The following ACSL3 variants were observed in gnomAD, a reference collection of about 807,000 sequenced individuals.
The protein encoded by ACSL3 is acyl-CoA synthetase long chain family member 3.
Under a neutral mutation model 84.7 loss-of-function variants are expected in ACSL3, and 34 were observed. The ratio of observed to expected loss-of-function variants is 0.40; its 90% CI spans 0.31 to 0.53. ACSL3 has a LOEUF of 0.53. ACSL3 is among the 20% of genes least tolerant of loss of function. ACSL3 has a pLI of 0.48. For synonymous variants in ACSL3, 315 were observed against 299.4 expected (o/e 1.05, Z -0.54); for missense variants, 680 against 873.1 (o/e 0.78, Z 2.79).
Position 222,943,971 on chromosome 2 carries a change from C to CT in ACSL3, c.*2318dup, listed in dbSNP as rs1348261539. 6.6e-6 allele frequency: 1 copy of CT among 152,050 alleles called. No homozygotes were observed. The highest frequency in any genetic ancestry group is 2.4e-5 in the African/African-American group (1 of 41,430). 9.4% of individuals were successfully genotyped at this position (152,050 alleles called of 1,614,324 possible). On this transcript the variant is annotated 3_prime_UTR_variant, in exon 17 of 17. Coordinates refer to ENST00000357430, the MANE Select transcript of ACSL3 (RefSeq NM_004457.5). ...AGAACTATTGTTTACTGGGAATAAA[C>CT]TAAGCTCTATGAAGAATTCGTAAGC...
In ACSL3 at chr2:222,911,038, G is replaced by C. The variant is rs1423437698; in HGVS notation, c.378+1888G>C. 5.4e-5 allele frequency among the ~76,000 whole-genome samples: 8 copies of C among 147,332 alleles called. No homozygotes were observed. In the East Asian group the frequency reaches 1.7e-3, roughly 31 times the overall value. On this transcript the variant is annotated intron_variant, in intron 4 of 16. Coordinates refer to ENST00000357430, the MANE Select transcript of ACSL3 (RefSeq NM_004457.5). ...TGCTTTTGTCATATTTACATATCTGGCACTGCCTTTTTTTTTTTTTTTTTT... is the reference window on the plus strand; with the variant it reads ...TGCTTTTGTCATATTTACATATCTGCCACTGCCTTTTTTTTTTTTTTTTTT...
chr2:222,900,917 A>G (rs1158117188), intron 3 of ACSL3, 137 bp downstream of exon 3: 1 of 152,182 alleles, frequency 6.6e-6, no homozygotes, highest in Non-Finnish European at 1.5e-5. Flanking sequence ...TTCTTTTCAA[A>G]GGGCACAACA....
intron 5 of ACSL3, chr2:222,917,721 C>T (rs1055758238): frequency 5.9e-6 from 1 of 170,932 alleles, no homozygotes; most frequent in Non-Finnish European, 1.2e-5. Flanking sequence ...AAGTGGCCAA[C>T]AATTAAGAAT....
intron 4 of ACSL3, among the ~76,000 whole-genome samples, chr2:222,916,049 A>G (rs190962475): frequency 1.3e-3 from 191 of 152,312 alleles, no homozygotes; most frequent in African/African-American, 4.2e-3. Context: ...TTACGAGCCT[A>G]TCAAACTCTC....
intron 1 of ACSL3, among the ~76,000 whole-genome samples, chr2:222,871,111 G>A (rs139298177): frequency 2.6e-5 from 4 of 152,254 alleles, no homozygotes; most frequent in African/African-American, 7.2e-5. Flanking sequence ...GGATGACAGA[G>A]GAAGCAGAAC....
chr2:222,924,324 A>T, intron 10 of ACSL3, 132 bp from the exon 11 acceptor site: 2 of 758,564 alleles, frequency 2.6e-6, no homozygotes, highest in Non-Finnish European at 3.8e-6. Flanking sequence ...CTTCTTGCTG[A>T]ATCACATCCA....
At position 222,900,773 on chromosome 2, in the gene ACSL3, C is replaced by T. The variant is rs2119160; in HGVS notation, c.-48C>T. The stretch of plus-strand genomic sequence containing the variant: ...TGTCACACCACCTTAGCCTCTTGAT[C>T]GAGGAAGGTAAAGAATTACTTTCAC... On this transcript the variant is annotated 5_prime_UTR_variant, in exon 3 of 17. Transcript: ENST00000357430. The T allele has an allele frequency of 0.32, 48,104 of 152,002 alleles. 7,902 individuals are homozygous for T. Among genetic ancestry groups the T allele is most frequent in the Admixed American group, 0.44 (6,670 of 15,264 alleles). 9.4% of individuals were successfully genotyped at this position (152,002 alleles called of 1,614,324 possible). A position where few individuals can be genotyped will look rare whatever the true frequency, so the allele number is the denominator to read the frequency against.
Position 222,934,558 on chromosome 2 carries a change from G to A in ACSL3, c.1876G>A (p.Val626Met). 1.3e-6 allele frequency: 2 copies of A among 1,581,734 alleles called. No individual in the cohort carries two copies. Among genetic ancestry groups the A allele is most frequent in the Non-Finnish European group, 1.7e-6 (2 of 1,163,754 alleles). The stretch of plus-strand genomic sequence containing the variant: ...TCATTCTTATGTCATTGGATTTGTT[G>A]TGCCAAATCAAAAGGAACTAACTGA... ...SYHSYVIGFV[V>M]PNQKELTELA... Residue 626 changes from valine to methionine, a missense_variant, in exon 16 of 17, where the codon GTG (valine) becomes ATG (methionine). Val to Met is a conservative substitution (Grantham distance 21). Around this residue, in one of 2 missense-constraint regions of ACSL3, gnomAD observed 347 missense variants for 525.7 expected, o/e 0.66. Coordinates refer to ENST00000357430, the MANE Select transcript of ACSL3 (RefSeq NM_004457.5).
chr2:222,883,658 A>G (rs1695648383), intron 1 of ACSL3, among the ~76,000 whole-genome samples: 1 of 151,528 alleles, frequency 6.6e-6, no homozygotes, highest in East Asian at 2.0e-4. Flanking sequence ...TGCTTTAGGA[A>G]TTTCTGCTTG....
chr2:222,873,961 A>C (rs935340999), intron 1 of ACSL3, among the ~76,000 whole-genome samples: 1 of 152,222 alleles, frequency 6.6e-6, no homozygotes, highest in African/African-American at 2.4e-5. Flanking sequence ...TTGTACTTAT[A>C]TATCTGTGCC....
At position 222,943,234 on chromosome 2, in the gene ACSL3, T is replaced by C. The variant is rs1311292536; in HGVS notation, c.*1580T>C. On this transcript the variant is annotated 3_prime_UTR_variant, in exon 17 of 17. Transcript: ENST00000357430. The stretch of plus-strand genomic sequence containing the variant: ...AGACATTGCAATACAGTGTTTTTTG[T>C]TTTCAACTTTTCTTGTATTGTATAT... 4 of 125,442 alleles carry C rather than the reference T, an allele frequency of 3.2e-5. No homozygotes were observed. The highest frequency in any genetic ancestry group is 5.4e-5 in the Non-Finnish European group (4 of 74,318). 7.8% of individuals were successfully genotyped at this position (125,442 alleles called of 1,614,324 possible).
At chr2:222,887,916 A>C (rs1695761258) in intron 2 of ACSL3, 28 bp downstream of exon 2, 1 of 152,242 alleles carries the variant, frequency 6.6e-6, no homozygotes. Flanking sequence ...TTATTACAAT[A>C]GATTTCTTTT....
At position 222,942,945 on chromosome 2, in the gene ACSL3, T is replaced by TA; in HGVS notation, c.*1292dup. The TA allele has an allele frequency of 4.4e-6, 1 of 225,206 alleles. No homozygotes were observed. Among genetic ancestry groups the TA allele is most frequent in the Non-Finnish European group, 8.8e-6 (1 of 113,112 alleles). 14.0% of individuals were successfully genotyped at this position (225,206 alleles called of 1,614,324 possible). ...TCATTTATTACTGCTTGTCTGTTGT[T>TA]ATATCTGGATTATCAAAAGCAATAG... On this transcript the variant is annotated 3_prime_UTR_variant, in exon 17 of 17. Transcript: ENST00000357430.
intron 3 of ACSL3, among the ~76,000 whole-genome samples, chr2:222,901,684 C>A (rs1376256008): frequency 6.6e-6 from 1 of 152,096 alleles, no homozygotes; most frequent in African/African-American, 2.4e-5. Context: ...TGGTGGCCCA[C>A]GCCTGTAATC....
At chr2:222,915,748 T>C (rs1366617923) in intron 4 of ACSL3, among the ~76,000 whole-genome samples, 1 of 152,242 alleles carries the variant, frequency 6.6e-6, no homozygotes, top group Non-Finnish European at 1.5e-5. Flanking sequence ...CACCTGGTTA[T>C]GTAAACAGAA....
At chr2:222,924,967 A>G (rs1559299755) in intron 11 of ACSL3, among the ~76,000 whole-genome samples, 1 of 151,452 alleles carries the variant, frequency 6.6e-6, no homozygotes, top group Non-Finnish European at 1.5e-5. Context: ...CGGAGCTTGC[A>G]GTGAGCCAAG....
At chr2:222,905,521 G>A (rs1024037989) in intron 3 of ACSL3, among the ~76,000 whole-genome samples, 1 of 152,166 alleles carries the variant, frequency 6.6e-6, no homozygotes, top group African/African-American at 2.4e-5. Context: ...AGAGAACTTA[G>A]TTGGATAACA....
At chr2:222,883,108 T>C (rs1695632031) in intron 1 of ACSL3, among the ~76,000 whole-genome samples, 1 of 151,878 alleles carries the variant, frequency 6.6e-6, no homozygotes, top group Non-Finnish European at 1.5e-5. Context: ...TATTCTGATA[T>C]GTATCCTTCT....
intron 1 of ACSL3, among the ~76,000 whole-genome samples, chr2:222,882,412 T>C (rs984433043): frequency 1.3e-5 from 2 of 152,146 alleles, no homozygotes; most frequent in Non-Finnish European, 2.9e-5. Flanking sequence ...TCTCCAAGCT[T>C]TTTGGCACTA....
Sources: allele counts gnomAD v4.1 joint callset (sites outside exome capture counted in the v4.1 genomes callset), GRCh38; gene constraint gnomAD v4.1.1; regional missense constraint gnomAD v4.1.1; transcripts MANE v1.5; gene names NCBI Gene and HGNC (gene_info 2026-07-23, HGNC 2026-07-21).